Variants in NFIB observed in about 807,000 individuals in gnomAD.
The protein encoded by NFIB is nuclear factor I B.
Under a neutral mutation model 61.5 loss-of-function variants are expected in NFIB, and 11 were observed. The observed-to-expected ratio is 0.18, with a 90% confidence interval of 0.11 to 0.30. The LOEUF is 0.30. Among genes scored for constraint, NFIB ranks in the 10% least tolerant of loss-of-function variants. The pLI is 1.00. For missense variants in NFIB, 471 were observed against 608.9 expected, an observed-to-expected ratio of 0.77 and a Z score of 2.38; for synonymous variants, 260 against 216.5, an observed-to-expected ratio of 1.20 and a Z score of -1.76.
the NFIB span, among the ~76,000 whole-genome samples, chr9:14,456,666 T>C: frequency 4.6e-5 from 7 of 152,176 alleles, no homozygotes; most frequent in African/African-American, 1.7e-4. Context: ...GATAAAATTG[T>C]TTCAGCTATT....
intron 2 of NFIB, among the ~76,000 whole-genome samples, chr9:14,230,856 C>G (rs2053044429): frequency 6.6e-6 from 1 of 151,874 alleles, no homozygotes; most frequent in Admixed American, 6.6e-5. Context: ...AGACATTTTT[C>G]CTGAGACTGA....
chr9:14,322,057 G>GTCGC, intron 1 of NFIB: 2 of 1,140,594 alleles, frequency 1.8e-6, no homozygotes, highest in Non-Finnish European at 2.1e-6. Context: ...TTGTTTTGGT[G>GTCGC]TCGCTTTTTG....
At chr9:14,437,674 G>C in the NFIB span, among the ~76,000 whole-genome samples, 1 of 152,218 alleles carries the variant, frequency 6.6e-6, no homozygotes, top group Non-Finnish European at 1.5e-5. Flanking sequence ...GCTGACAGGA[G>C]GGCCCGGGAC....
intron 1 of NFIB, among the ~76,000 whole-genome samples, chr9:14,330,984 T>C (rs1588319783): frequency 6.6e-6 from 1 of 152,128 alleles, no homozygotes; most frequent in African/African-American, 2.4e-5. Flanking sequence ...TGCAAGCTTT[T>C]TCGGGGGCAT....
chr9:14,320,747 G>A (rs532892271), intron 1 of NFIB, among the ~76,000 whole-genome samples: 1 of 152,310 alleles, frequency 6.6e-6, no homozygotes, highest in Admixed American at 6.5e-5. Flanking sequence ...AAGCATGCGT[G>A]TGTTACTTTC....
chr9:14,491,249 T>C, the NFIB span, among the ~76,000 whole-genome samples: 1 of 152,184 alleles, frequency 6.6e-6, no homozygotes, highest in Non-Finnish European at 1.5e-5. Context: ...AAGCACCCTG[T>C]GTTAGCTACA....
At chr9:14,165,921 A>G (rs2044734748) in intron 3 of NFIB, among the ~76,000 whole-genome samples, 1 of 152,156 alleles carries the variant, frequency 6.6e-6, no homozygotes, top group Non-Finnish European at 1.5e-5. Context: ...AAGTTTCTGG[A>G]GGTTGGTTGC....
chr9:14,088,284 A>T lies in NFIB; in HGVS notation c.*25T>A. On this transcript the variant is annotated 3_prime_UTR_variant, in exon 11 of 11. Coordinates refer to ENST00000380953, the MANE Select transcript of NFIB (RefSeq NM_001190737.2). ...CATTGGCCGGTAAGATGGGTGTCCT[A>T]TTTGACACTTGGAAAGGAACCAAGC... 6.3e-7 allele frequency: 1 copy of T among 1,599,292 alleles called. No individual in the cohort carries two copies. Among genetic ancestry groups the T allele is most frequent in the South Asian group, 1.1e-5 (1 of 88,508 alleles).
At chr9:14,136,827 T>C (rs1238196201) in intron 6 of NFIB, among the ~76,000 whole-genome samples, 6 of 152,184 alleles carry the variant, frequency 3.9e-5, no homozygotes, top group Non-Finnish European at 5.9e-5. Context: ...GTTCAGCAGC[T>C]CAATGCAAAT....
upstream of NFIB, among the ~76,000 whole-genome samples, chr9:14,314,772 C>A (rs1278292961): frequency 2.8e-5 from 4 of 144,764 alleles, no homozygotes; most frequent in Non-Finnish European, 6.0e-5. Flanking sequence ...GGTATCCTAC[C>A]GGTGCTACAG....
intron 1 of NFIB, among the ~76,000 whole-genome samples, chr9:14,395,217 C>A (rs1349325509): frequency 6.7e-6 from 1 of 150,208 alleles, no homozygotes; most frequent in Non-Finnish European, 1.5e-5. Flanking sequence ...CTGCTCAGAA[C>A]AGGAGGTCCA....
chr9:14,120,828 T>G lies in NFIB; in HGVS notation c.1061-204A>C, dbSNP rs2038829086. 6.6e-6 allele frequency among the ~76,000 whole-genome samples: 1 copy of G among 152,238 alleles called. No individual in the cohort carries two copies. The highest frequency in any genetic ancestry group is 2.4e-5 in the African/African-American group (1 of 41,468). On this transcript the variant is annotated intron_variant, in intron 7 of 10. Coordinates refer to ENST00000380953, the MANE Select transcript of NFIB (RefSeq NM_001190737.2). This position sits in a 1 kb window ranked among gnomAD's most constrained non-coding sequence, Gnocchi z 4.4. ...CGGCTAACTACACAGAGATAAAACA[T>G]CACTCTAGAAAATTAACAATCTTGC...
At chr9:14,524,721 A>T in the NFIB span, among the ~76,000 whole-genome samples, 1 of 152,320 alleles carries the variant, frequency 6.6e-6, no homozygotes, top group Admixed American at 6.5e-5. Flanking sequence ...TAGCAGCAGA[A>T]TTTGCAGATA....
the NFIB span, among the ~76,000 whole-genome samples, chr9:14,448,400 A>T: frequency 6.6e-6 from 1 of 152,196 alleles, no homozygotes; most frequent in Non-Finnish European, 1.5e-5. Flanking sequence ...AAAAATTTTT[A>T]TTTAAAATCT....
the NFIB span, among the ~76,000 whole-genome samples, chr9:14,500,378 A>G: frequency 6.6e-6 from 1 of 152,172 alleles, no homozygotes; most frequent in African/African-American, 2.4e-5. Context: ...GGGCTTGTAC[A>G]AAATTATATA....
At chr9:14,398,832 G>A in exon 1 of NFIB, 3 of 503,190 alleles carry the variant, frequency 6.0e-6, no homozygotes, top group Non-Finnish European at 1.0e-5. Flanking sequence ...AATAGAACAA[G>A]AACAAAGGGG....
At chr9:14,370,695 G>T (rs931555296) in intron 1 of NFIB, among the ~76,000 whole-genome samples, 2 of 152,230 alleles carry the variant, frequency 1.3e-5, no homozygotes, top group African/African-American at 4.8e-5. Context: ...TAATAGTGAG[G>T]TTCCTTCAGA....
intron 2 of NFIB, among the ~76,000 whole-genome samples, chr9:14,198,945 A>G (rs1283211165): frequency 2.6e-5 from 4 of 152,138 alleles, no homozygotes; most frequent in Non-Finnish European, 5.9e-5. Context: ...GAATCCTAAA[A>G]AGCAACTAAA....
chr9:14,105,659 C>A (rs948990457), intron 10 of NFIB, among the ~76,000 whole-genome samples: 6 of 152,084 alleles, frequency 3.9e-5, no homozygotes, highest in Non-Finnish European at 1.5e-5. Context: ...ATCACTTATT[C>A]ACCAAAGATT....
Sources: allele counts gnomAD v4.1 joint callset (sites outside exome capture counted in the v4.1 genomes callset), GRCh38; gene constraint gnomAD v4.1.1; non-coding constraint Gnocchi (gnomAD v3.1); transcripts MANE v1.5; gene names NCBI Gene and HGNC (gene_info 2026-07-23, HGNC 2026-07-21).